The following DMXL2 variants were observed in gnomAD, a reference collection of about 807,000 sequenced individuals.
The protein encoded by DMXL2 is dmX-like protein 2.
A neutral mutation model predicts 331.1 loss-of-function variants in DMXL2; 103 were observed. That is an observed-to-expected ratio of 0.31 (90% CI 0.27 to 0.37). The LOEUF is 0.37. Ranked by LOEUF, DMXL2 falls within the 10% of genes least tolerant of loss-of-function variation. DMXL2 has a pLI of 1.00. For synonymous variants in DMXL2, 1,281 were observed against 1,252.1 expected, an observed-to-expected ratio of 1.02 and a Z score of -0.49; for missense variants, 3,171 against 3,642.9, an observed-to-expected ratio of 0.87 and a Z score of 3.33.
At chr15:51,517,253 C>T (rs896411161) in intron 13 of DMXL2, 86 bp from the exon 14 acceptor site, 1 of 934,558 alleles carries the variant, frequency 1.1e-6, no homozygotes, top group Admixed American at 1.9e-5. Context: ...ATTTAAGGCC[C>T]CCTCTAAATA....
At chr15:51,480,188 A>G in intron 24 of DMXL2, 49 bp from the exon 25 acceptor site, 1 of 1,446,302 alleles carries the variant, frequency 6.9e-7, no homozygotes, top group Non-Finnish European at 9.3e-7. Flanking sequence ...AAAAAATTTT[A>G]TCAGTTCTCT....
intron 25 of DMXL2, among the ~76,000 whole-genome samples, chr15:51,478,774 C>T (rs1240913963): frequency 6.6e-6 from 1 of 152,050 alleles, no homozygotes; most frequent in Non-Finnish European, 1.5e-5. Flanking sequence ...TTAATCTTAT[C>T]AATGAAAATG....
At chr15:51,525,863 G>GAC (rs1173344834) in intron 13 of DMXL2, among the ~76,000 whole-genome samples, 1 of 146,360 alleles carries the variant, frequency 6.8e-6, no homozygotes, top group African/African-American at 2.8e-5. Flanking sequence ...CCCAGTGTAT[G>GAC]AGGGAACTTG....
At chr15:51,520,220 A>G (rs897086010) in intron 13 of DMXL2, among the ~76,000 whole-genome samples, 1 of 152,018 alleles carries the variant, frequency 6.6e-6, no homozygotes, top group Non-Finnish European at 1.5e-5. Context: ...TGTCTTACCC[A>G]TTCAGTAAGT....
chr15:51,495,183 C>T, intron 18 of DMXL2, 49 bp from the exon 19 acceptor site: 1 of 1,165,170 alleles, frequency 8.6e-7, no homozygotes. Context: ...ATGCAAGAGG[C>T]CACAAACTGA....
At position 51,568,326 on chromosome 15, in the gene DMXL2, C is replaced by T. The variant is rs183989219; in HGVS notation, c.285+161G>A. ...TTTCTAAAAGCACTAGGGATGTATC[C>T]GTAGTGAATGTAAGGATCCTAACAT... On this transcript the variant is annotated intron_variant, in intron 3 of 43. Coordinates refer to ENST00000560891, the MANE Select transcript of DMXL2 (RefSeq NM_001378457.1). 72 of 539,150 alleles carry T rather than the reference C, an allele frequency of 1.3e-4. 1 individual carries two copies. The South Asian group carries it at 1.5e-3, about 11-fold the overall frequency. 33.4% of individuals were successfully genotyped at this position (539,150 alleles called of 1,614,324 possible). A position where few individuals can be genotyped will look rare whatever the true frequency, so the allele number is the denominator to read the frequency against.
At chr15:51,484,906 T>C (rs1567013799) in intron 23 of DMXL2, among the ~76,000 whole-genome samples, 1 of 150,570 alleles carries the variant, frequency 6.6e-6, no homozygotes, top group Non-Finnish European at 1.5e-5. Flanking sequence ...CAAACAGAAA[T>C]ACTAGAGCTA....
Position 51,499,052 on chromosome 15 carries a change from G to T in DMXL2, c.4172C>A (p.Thr1391Asn). 1 of 1,613,938 alleles carries T rather than the reference G, an allele frequency of 6.2e-7. No homozygotes were observed. The highest frequency in any genetic ancestry group is 8.5e-7 in the Non-Finnish European group (1 of 1,180,014). Reference sequence around the variant, plus strand: ...AATAGTTCGAGAGAGATGTCGCTTAGTTCCTTCTCCAGCATCAGGATCTCT... The same window carrying T: ...AATAGTTCGAGAGAGATGTCGCTTATTTCCTTCTCCAGCATCAGGATCTCT... Reference protein sequence around the residue: ...IVRDPDAGEGTKRHLSRTISV... With the variant: ...IVRDPDAGEGNKRHLSRTISV... The change falls in exon 18 of 44, where the codon ACT becomes AAT. Residue 1391 changes from threonine (T) to asparagine (N), a missense_variant. By Grantham distance (65) the Thr-to-Asn change is moderately conservative. Coordinates refer to ENST00000560891, the MANE Select transcript of DMXL2 (RefSeq NM_001378457.1).
At position 51,448,923 on chromosome 15, in the gene DMXL2, C is replaced by G; in HGVS notation, c.*61G>C. The G allele has an allele frequency of 6.7e-7, 1 of 1,496,240 alleles. No homozygotes were observed. Among genetic ancestry groups the G allele is most frequent in the East Asian group, 2.4e-5 (1 of 42,548 alleles). 92.7% of individuals were successfully genotyped at this position (1,496,240 alleles called of 1,614,324 possible). A position where few individuals can be genotyped will look rare whatever the true frequency, so the allele number is the denominator to read the frequency against. ...TACAACTGCTTAGAAAGCAGAATTG[C>G]CTAGTGATGACTGTAGTGTGCCTTT... On this transcript the variant is annotated 3_prime_UTR_variant, in exon 44 of 44. Coordinates refer to ENST00000560891, the MANE Select transcript of DMXL2 (RefSeq NM_001378457.1).
chr15:51,455,313 C>G (rs2039525132), intron 39 of DMXL2, 85 bp from the exon 40 acceptor site: 1 of 1,109,292 alleles, frequency 9.0e-7, no homozygotes, highest in Non-Finnish European at 1.4e-6. Flanking sequence ...CACTAAGGCC[C>G]TACTAAATAA....
chr15:51,525,826 A>G (rs1240983188), intron 13 of DMXL2, among the ~76,000 whole-genome samples: 1 of 151,720 alleles, frequency 6.6e-6, no homozygotes, highest in Non-Finnish European at 1.5e-5. Context: ...TCTGCTCCCT[A>G]CCTCCCAGAT....
chr15:51,573,793 G>GT (rs773426118), intron 2 of DMXL2, among the ~76,000 whole-genome samples: 13 of 151,926 alleles, frequency 8.6e-5, no homozygotes, highest in Non-Finnish European at 1.9e-4. Context: ...GTATACCTAT[G>GT]TAACAAACCT....
chr15:51,449,776 G>A (rs776930775), intron 43 of DMXL2, among the ~76,000 whole-genome samples: 5 of 152,078 alleles, frequency 3.3e-5, no homozygotes, highest in African/African-American at 4.8e-5. Context: ...TACTGGAAAC[G>A]TCACCTCCAC....
At chr15:51,509,095 C>G (rs1298084490) in intron 15 of DMXL2, among the ~76,000 whole-genome samples, 2 of 151,778 alleles carry the variant, frequency 1.3e-5, no homozygotes, top group African/African-American at 4.8e-5. Context: ...GAACCCAGAT[C>G]TAATCAAGTC....
rs1205396227 is a variant in DMXL2 at position 51,545,752 on chromosome 15, T to C, written c.761A>G (p.Asn254Ser). The C allele has an allele frequency of 6.2e-7, 1 of 1,609,618 alleles. No individual in the cohort carries two copies. Among genetic ancestry groups the C allele is most frequent in the Admixed American group, 1.7e-5 (1 of 59,764 alleles). Residue 254 changes from asparagine to serine, a missense_variant, in exon 8 of 44, where the codon AAT becomes AGT. Asn to Ser is a conservative substitution (Grantham distance 46, BLOSUM62 1). Transcript: ENST00000560891. ...SKYMPRGSVC[N>S]VLLTSCHDGV... ...ATCATGACATGAAGTTAACAACACA[T>C]TACAGACAGAACCCCTAACAACAAA...
At chr15:51,514,824 GA>G (rs35796044) in intron 14 of DMXL2, among the ~76,000 whole-genome samples, 61,847 of 126,572 alleles carry the variant, frequency 0.49, 13,926 homozygotes, top group Non-Finnish European at 0.54. Context: ...TGCTTCTCAG[GA>G]AAAAAAAAAA....
intron 8 of DMXL2, among the ~76,000 whole-genome samples, chr15:51,543,291 G>A (rs1446170497): frequency 6.6e-6 from 1 of 151,872 alleles, no homozygotes; most frequent in African/African-American, 2.4e-5. Flanking sequence ...ACTTTCCTTT[G>A]TTCCCCACAT....
chr15:51,518,587 T>C (rs2047168477), intron 13 of DMXL2, among the ~76,000 whole-genome samples: 1 of 152,184 alleles, frequency 6.6e-6, no homozygotes. Flanking sequence ...TATTAAAGTT[T>C]AAGAAGGACT....
chr15:51,521,490 C>T (rs1320189864), intron 13 of DMXL2, among the ~76,000 whole-genome samples: 1 of 136,920 alleles, frequency 7.3e-6, no homozygotes, highest in East Asian at 2.1e-4. Flanking sequence ...GTAGTAGTAG[C>T]AGCATTTTTT....
Sources: allele counts gnomAD v4.1 joint callset (sites outside exome capture counted in the v4.1 genomes callset), GRCh38; gene constraint gnomAD v4.1.1; transcripts MANE v1.5; gene names NCBI Gene and HGNC (gene_info 2026-07-23, HGNC 2026-07-21).